Variants in SLIT3 observed in about 807,000 individuals in gnomAD.
SLIT3 encodes slit guidance ligand 3.
SLIT3 carries 68 observed loss-of-function variants against 184.0 expected under a neutral mutation model. That is an observed-to-expected ratio of 0.37 (90% CI 0.30 to 0.45). SLIT3 has a LOEUF of 0.45. Among genes scored for constraint, SLIT3 ranks in the 20% least tolerant of loss-of-function variants. SLIT3 has a pLI of 1.00. For missense variants in SLIT3, 1,707 were observed against 2,026.0 expected, an observed-to-expected ratio of 0.84 and a Z score of 3.02; for synonymous variants, 831 against 828.6, an observed-to-expected ratio of 1.00 and a Z score of -0.05.
intron 4 of SLIT3, among the ~76,000 whole-genome samples, chr5:169,102,559 G>C (rs985589190): frequency 6.6e-6 from 1 of 152,058 alleles, no homozygotes; most frequent in African/African-American, 2.4e-5. Flanking sequence ...TTTAAAATTT[G>C]TATTATTTTT....
chr5:169,277,228 T>G (rs1766839517), intron 1 of SLIT3, among the ~76,000 whole-genome samples: 1 of 152,162 alleles, frequency 6.6e-6, no homozygotes, highest in African/African-American at 2.4e-5. Context: ...CTTTTCTTTC[T>G]TTTTTCTTTT....
intron 8 of SLIT3, among the ~76,000 whole-genome samples, chr5:168,809,790 G>A (rs535707111): frequency 2.6e-5 from 4 of 152,302 alleles, no homozygotes; most frequent in African/African-American, 9.6e-5. Flanking sequence ...TGGCACATGT[G>A]GAGGGGCTAA....
At chr5:169,222,169 C>T (rs1310954911) in intron 3 of SLIT3, among the ~76,000 whole-genome samples, 1 of 152,138 alleles carries the variant, frequency 6.6e-6, no homozygotes, top group African/African-American at 2.4e-5. Context: ...GTTATTCTTT[C>T]TATGTATTAT....
At chr5:169,188,994 C>T (rs138577761) in intron 4 of SLIT3, among the ~76,000 whole-genome samples, 115 of 152,254 alleles carry the variant, frequency 7.6e-4, no homozygotes, top group African/African-American at 2.6e-3. Context: ...TGATCTACGT[C>T]AGGATGGCAG....
intron 4 of SLIT3, among the ~76,000 whole-genome samples, chr5:169,167,166 T>C (rs1368847202): frequency 6.7e-6 from 1 of 148,206 alleles, no homozygotes; most frequent in East Asian, 2.0e-4. Flanking sequence ...TGAGACCCTG[T>C]CTCTTAAAAA....
intron 4 of SLIT3, among the ~76,000 whole-genome samples, chr5:169,034,366 G>T (rs1757152694): frequency 6.6e-6 from 1 of 152,132 alleles, no homozygotes; most frequent in Non-Finnish European, 1.5e-5. Context: ...TCTCTTCTAG[G>T]AGTTTTATGG....
intron 4 of SLIT3, among the ~76,000 whole-genome samples, chr5:168,888,904 A>G (rs998723185): frequency 6.6e-6 from 1 of 152,222 alleles, no homozygotes; most frequent in Non-Finnish European, 1.5e-5. Context: ...CCATTGGTGC[A>G]TTCAGTATCA....
intron 31 of SLIT3, 50 bp from the exon 32 acceptor site, chr5:168,684,146 C>T: frequency 6.8e-7 from 1 of 1,465,088 alleles, no homozygotes; most frequent in Non-Finnish European, 9.1e-7. Flanking sequence ...TGAGACTGAA[C>T]CTTCCCTGCC....
intron 10 of SLIT3, among the ~76,000 whole-genome samples, chr5:168,795,241 G>A (rs1003326167): frequency 3.3e-5 from 5 of 152,166 alleles, no homozygotes; most frequent in East Asian, 1.9e-4. Context: ...AGGCTAATTC[G>A]TCTCTACCTC....
intron 9 of SLIT3, among the ~76,000 whole-genome samples, chr5:168,797,842 GA>G (rs1236784915): frequency 5.9e-5 from 9 of 152,268 alleles, no homozygotes; most frequent in East Asian, 5.8e-4. Flanking sequence ...ACAGGGCCAG[GA>G]ACGGGCAGAA....
At chr5:169,296,277 C>T (rs1461138828) in intron 1 of SLIT3, among the ~76,000 whole-genome samples, 1 of 152,178 alleles carries the variant, frequency 6.6e-6, no homozygotes, top group Non-Finnish European at 1.5e-5. Flanking sequence ...AGGCACTGTT[C>T]TAGACACTAG....
At position 168,694,214 on chromosome 5, in the gene SLIT3, C is replaced by T. The variant is rs77987888; in HGVS notation, c.3083-1514G>A. ...ATGCCTCCTCAGTACCCTCCTGCTG[C>T]CCATCTGCCTGCTCTAAATTCAGTT... On this transcript the variant is annotated intron_variant, in intron 28 of 35. Coordinates refer to ENST00000519560, the MANE Select transcript of SLIT3 (RefSeq NM_003062.4). Among the ~76,000 whole-genome samples, 1,200 of 152,216 alleles carry T rather than the reference C, an allele frequency of 7.9e-3. 22 individuals carry two copies. Among genetic ancestry groups the T allele is most frequent in the African/African-American group, 0.027 (1,140 of 41,542 alleles).
At chr5:169,154,179 C>T (rs1226451324) in intron 4 of SLIT3, among the ~76,000 whole-genome samples, 1 of 152,058 alleles carries the variant, frequency 6.6e-6, no homozygotes, top group Admixed American at 6.6e-5. Context: ...TCACCGTGGT[C>T]TCGATCTCCT....
chr5:169,060,032 A>G (rs1222782184), intron 4 of SLIT3, among the ~76,000 whole-genome samples: 1 of 152,262 alleles, frequency 6.6e-6, no homozygotes, highest in East Asian at 1.9e-4. Context: ...GCAGCCCAGA[A>G]TAATGGCCCT....
intron 4 of SLIT3, among the ~76,000 whole-genome samples, chr5:168,944,680 G>C (rs1336445624): frequency 1.3e-5 from 2 of 152,048 alleles, no homozygotes; most frequent in Non-Finnish European, 2.9e-5. Flanking sequence ...TGCCAAAACT[G>C]TCCCCTAAAA....
At chr5:169,067,352 G>C (rs1354985162) in intron 4 of SLIT3, among the ~76,000 whole-genome samples, 1 of 152,072 alleles carries the variant, frequency 6.6e-6, no homozygotes, top group Non-Finnish European at 1.5e-5. Flanking sequence ...GTTGCAGTGA[G>C]CAGAGATCAC....
intron 4 of SLIT3, among the ~76,000 whole-genome samples, chr5:168,989,905 T>G (rs1018499233): frequency 2.0e-5 from 3 of 152,210 alleles, no homozygotes; most frequent in Non-Finnish European, 2.9e-5. Flanking sequence ...CTTTTATCTC[T>G]AACAGTTCTG....
At chr5:169,228,756 G>A (rs1282281836) in intron 3 of SLIT3, among the ~76,000 whole-genome samples, 1 of 152,076 alleles carries the variant, frequency 6.6e-6, no homozygotes, top group East Asian at 1.9e-4. Flanking sequence ...TTCCTAGTTA[G>A]AACCTTAATT....
intron 4 of SLIT3, among the ~76,000 whole-genome samples, chr5:169,040,489 G>A (rs775136930): frequency 1.1e-4 from 16 of 152,144 alleles, no homozygotes; most frequent in Non-Finnish European, 2.2e-4. Context: ...ATATGGTGTG[G>A]GTTTCTTCTT....
Sources: gnomAD v4.1 joint callset for allele counts (sites outside exome capture counted in the v4.1 genomes callset) on GRCh38, gnomAD v4.1.1 for gene constraint, MANE v1.5 for transcripts, NCBI Gene and HGNC (gene_info 2026-07-23, HGNC 2026-07-21) for gene names.